FER1L5: variants seen among roughly 807,000 people sequenced by gnomAD.
The protein encoded by FER1L5 is fer-1-like protein 5.
FER1L5 carries 187 observed loss-of-function variants against 279.9 expected under a neutral mutation model. That is an observed-to-expected ratio of 0.67 (90% CI 0.59 to 0.75). FER1L5 has a LOEUF of 0.75. Among genes scored for constraint, FER1L5 ranks in the 30% least tolerant of loss-of-function variants. The probability of loss-of-function intolerance (pLI) is 0.00; values close to 1 mark genes in which losing one functional copy is unlikely to be tolerated. For missense variants in FER1L5, 2,091 were observed against 2,594.4 expected, an observed-to-expected ratio of 0.81 and a Z score of 4.21; for synonymous variants, 921 against 989.7, an observed-to-expected ratio of 0.93 and a Z score of 1.30.
Position 96,642,842 on chromosome 2 carries a change from G to A in FER1L5, c.6G>A (p.Leu2=). Residue 2 remains leucine (L), a synonymous_variant, in exon 1 of 53, where the codon CTG becomes CTA. Transcript: ENST00000624922. M[L]RLVVQSAKID... ...GAAGAAAGTAGGTCTCCGAGATGCT[G>A]CGGCTTGTGGTGCAGTCGGCCAAGA... 1 of 1,550,774 alleles carries A rather than the reference G, an allele frequency of 6.4e-7. No individual in the cohort carries two copies. Among genetic ancestry groups the A allele is most frequent in the Non-Finnish European group, 8.7e-7 (1 of 1,146,580 alleles).
chr2:96,664,673 T>G (rs1403825577), intron 14 of FER1L5, among the ~76,000 whole-genome samples: 1 of 152,214 alleles, frequency 6.6e-6, no homozygotes, highest in East Asian at 1.9e-4. Flanking sequence ...AGACATATGC[T>G]TTCATTTCTC....
In FER1L5 at chr2:96,704,650, C is replaced by G; in HGVS notation, c.6132C>G (p.His2044Gln). The G allele has an allele frequency of 6.2e-7, 1 of 1,613,996 alleles. No individual in the cohort carries two copies. The highest frequency in any genetic ancestry group is 8.5e-7 in the Non-Finnish European group (1 of 1,179,892). The change falls in exon 53 of 53, where the codon CAC becomes CAG. Residue 2044 changes from histidine to glutamine, a missense_variant. Coordinates refer to ENST00000624922, the MANE Select transcript of FER1L5 (RefSeq NM_001293083.2). ...EWKLHPGPTN[H>Q]LSDIFPELPA... ...AACTCCACCCAGGACCCACAAATCA[C>G]CTGAGTGATATTTTCCCAGAACTTC...
intron 9 of FER1L5, among the ~76,000 whole-genome samples, chr2:96,659,401 CTTT>C (rs2075807934): frequency 1.6e-4 from 1 of 6,088 alleles, no homozygotes; most frequent in Admixed American, 2.5e-3. Context: ...TTCTTTCTTT[CTTT>C]CTTTCTTTCT....
intron 4 of FER1L5, among the ~76,000 whole-genome samples, 190 bp downstream of exon 4, chr2:96,648,076 T>G (rs2075213576): frequency 6.6e-6 from 1 of 152,198 alleles, no homozygotes; most frequent in East Asian, 1.9e-4. Flanking sequence ...TTGACCGCCT[T>G]GCATTGGGAG....
intron 19 of FER1L5, among the ~76,000 whole-genome samples, chr2:96,674,081 T>A (rs895969286): frequency 3.9e-5 from 6 of 152,248 alleles, no homozygotes; most frequent in African/African-American, 1.4e-4. Context: ...CTTAGTATAT[T>A]CACAGAGTCG....
Position 96,649,511 on chromosome 2 carries a change from C to T in FER1L5, c.340-112C>T, listed in dbSNP as rs2075278215. ...TGGCCCCATCCCATGACTAGCATCACGGCCCCCACCAGGAGGACCAGGTGT... is the reference window on the plus strand; with the variant it reads ...TGGCCCCATCCCATGACTAGCATCATGGCCCCCACCAGGAGGACCAGGTGT... On this transcript the variant is annotated intron_variant, in intron 4 of 52. Transcript: ENST00000624922. 8 of 959,630 alleles carry T rather than the reference C, an allele frequency of 8.3e-6. No individual in the cohort carries two copies. In the South Asian group the frequency reaches 9.1e-5, roughly 11 times the overall value. The allele number at this position is 959,630 out of a possible 1,614,324, so 59.4% of individuals were successfully genotyped here. A position where few individuals can be genotyped will look rare whatever the true frequency, so the allele number is the denominator to read the frequency against.
rs1337085281 is a variant in FER1L5 at position 96,661,242 on chromosome 2, C to T, written c.779-83C>T. Reference sequence around the variant, plus strand: ...TGCCTGAGACCTATTTCCACCTTCCCCTCCTGCTAAAACAAAGGCTGGTTT... The same window carrying T: ...TGCCTGAGACCTATTTCCACCTTCCTCTCCTGCTAAAACAAAGGCTGGTTT... On this transcript the variant is annotated intron_variant, in intron 10 of 52. Coordinates refer to ENST00000624922, the MANE Select transcript of FER1L5 (RefSeq NM_001293083.2). 9 of 967,990 alleles carry T rather than the reference C, an allele frequency of 9.3e-6. No individual in the cohort carries two copies. In the East Asian group the frequency reaches 1.9e-4, roughly 21 times the overall value. 60.0% of individuals were successfully genotyped at this position (967,990 alleles called of 1,614,324 possible).
chr2:96,644,553 A>C (rs2075036720), intron 1 of FER1L5, among the ~76,000 whole-genome samples: 1 of 152,168 alleles, frequency 6.6e-6, no homozygotes, highest in Non-Finnish European at 1.5e-5. Context: ...GAAAGTATGT[A>C]GGTGGAGATA....
At chr2:96,668,702 C>T (rs145308986) in intron 14 of FER1L5, 49 bp from the exon 15 acceptor site, 1 of 1,549,568 alleles carries the variant, frequency 6.5e-7, no homozygotes, top group Non-Finnish European at 8.7e-7. Context: ...CCACGAGGGC[C>T]AGACCATCCC....
intron 18 of FER1L5, among the ~76,000 whole-genome samples, chr2:96,672,780 TG>T (rs1458661776): frequency 3.3e-5 from 5 of 151,984 alleles, no homozygotes; most frequent in South Asian, 4.2e-4. Flanking sequence ...GGAATGGGGA[TG>T]GGGTGGCCCA....
chr2:96,657,597 C>T lies in FER1L5; in HGVS notation c.748-2744C>T, dbSNP rs572388366. The stretch of plus-strand genomic sequence containing the variant: ...TCATTCCCATCCCACCCCCTCCATC[C>T]GCAGACAACCACTGATCTGCTTTCT... On this transcript the variant is annotated intron_variant, in intron 9 of 52. Coordinates refer to ENST00000624922, the MANE Select transcript of FER1L5 (RefSeq NM_001293083.2). Among the ~76,000 whole-genome samples the T allele has an allele frequency of 7.1e-4, 108 of 152,278 alleles. 1 individual carries two copies. The highest frequency in any genetic ancestry group is 2.5e-3 in the African/African-American group (102 of 41,562).
At chr2:96,668,728 C>T in intron 14 of FER1L5, 23 bp from the exon 15 acceptor site, 1 of 1,551,390 alleles carries the variant, frequency 6.4e-7, no homozygotes, top group Non-Finnish European at 8.7e-7. Context: ...GTACCCACCG[C>T]ACCTCTCTCC....
intron 19 of FER1L5, among the ~76,000 whole-genome samples, chr2:96,678,217 C>A (rs1191138631): frequency 6.6e-6 from 1 of 151,428 alleles, no homozygotes; most frequent in East Asian, 1.9e-4. Flanking sequence ...CTCCGCCCGC[C>A]CCCCGGGTTC....
chr2:96,648,656 A>C (rs2075237554), intron 4 of FER1L5, among the ~76,000 whole-genome samples: 1 of 152,218 alleles, frequency 6.6e-6, no homozygotes, highest in Non-Finnish European at 1.5e-5. Flanking sequence ...TAGAGACAGC[A>C]GTCTGACCTC....
chr2:96,659,488 TCTTTCTTTCTTTCTTTCTTTC>T, intron 9 of FER1L5, among the ~76,000 whole-genome samples: 1 of 39,690 alleles, frequency 2.5e-5, no homozygotes, highest in Non-Finnish European at 3.8e-5. Flanking sequence ...TTTCTTTCTT[TCTTTCTTTCTTTCTTTCTTTC>T]GAGACAGAGT....
Position 96,691,358 on chromosome 2 carries a change from G to C in FER1L5, c.2907+5G>C. The C allele has an allele frequency of 6.5e-7, 1 of 1,547,274 alleles. No homozygotes were observed. The highest frequency in any genetic ancestry group is 1.2e-5 in the South Asian group (1 of 83,834). The stretch of plus-strand genomic sequence containing the variant: ...ACCCTCTCCTTCCTGCAGCTGGTGA[G>C]GGGTCGACGGGCGCCCTGGCTGGGA... On this transcript the variant is annotated splice_donor_5th_base_variant and intron_variant, in intron 28 of 52. Transcript: ENST00000624922. The surrounding 1 kb of genome is among the most constrained non-coding windows in gnomAD (Gnocchi z 6.0).
intron 9 of FER1L5, among the ~76,000 whole-genome samples, chr2:96,656,368 G>A (rs950039444): frequency 3.9e-5 from 6 of 152,214 alleles, no homozygotes; most frequent in Admixed American, 3.9e-4. Flanking sequence ...TGGGAACGGT[G>A]GCTCACGCCT....
Position 96,647,799 on chromosome 2 carries a change from A to C in FER1L5, c.252A>C (p.Val84=). ...CCAGATTCATTGGCCTGGCCACAGT[A>C]CTGCTCAAGCCATTGTTGAAACAAC... The part of the protein sequence containing the change: ...KKERFIGLAT[V]LLKPLLKQPS... Residue 84 remains valine (V), a synonymous_variant, in exon 4 of 53, where the codon GTA becomes GTC. Transcript: ENST00000624922. 1 of 1,551,690 alleles carries C rather than the reference A, an allele frequency of 6.4e-7. No homozygotes were observed. Among genetic ancestry groups the C allele is most frequent in the Non-Finnish European group, 8.7e-7 (1 of 1,146,970 alleles).
chr2:96,680,410 G>T (rs1169466348), intron 19 of FER1L5, among the ~76,000 whole-genome samples: 3 of 151,536 alleles, frequency 2.0e-5, no homozygotes, highest in African/African-American at 4.9e-5. Flanking sequence ...TCTCCTTCCG[G>T]AACTCACTCT....
Sources: gnomAD v4.1 joint callset for allele counts (sites outside exome capture counted in the v4.1 genomes callset) on GRCh38, gnomAD v4.1.1 for gene constraint, Gnocchi (gnomAD v3.1) non-coding constraint, MANE v1.5 for transcripts, NCBI Gene and HGNC (gene_info 2026-07-23, HGNC 2026-07-21) for gene names.